The following ATP1B2 variants were observed in gnomAD, a reference collection of about 807,000 sequenced individuals.
ATP1B2 encodes ATPase Na+/K+ transporting subunit beta 2, also known as sodium/potassium-transporting ATPase subunit beta-2.
ATP1B2 carries 12 observed loss-of-function variants against 37.3 expected under a neutral mutation model. The observed-to-expected ratio is 0.32, with a 90% confidence interval of 0.21 to 0.52. ATP1B2 has a LOEUF of 0.52. Ranked by LOEUF, ATP1B2 falls within the 20% of genes least tolerant of loss-of-function variation. The probability of loss-of-function intolerance (pLI) is 0.96; values close to 1 mark genes in which losing one functional copy is unlikely to be tolerated. For synonymous variants in ATP1B2, 139 were observed against 140.5 expected (o/e 0.99, Z 0.07); for missense variants, 324 against 391.6 (o/e 0.83, Z 1.46).
In ATP1B2 at chr17:7,655,430, G is replaced by A; in HGVS notation, c.610-97G>A. On this transcript the variant is annotated intron_variant, in intron 5 of 6. Coordinates refer to ENST00000250111, the MANE Select transcript of ATP1B2 (RefSeq NM_001678.5). The surrounding 1 kb of genome is among the most constrained non-coding windows in gnomAD (Gnocchi z 4.4). The stretch of plus-strand genomic sequence containing the variant: ...CAGACTTGAGACAGGAATAATTGGG[G>A]CGAAGGAAGAACAAAAGAACAAATG... 1 of 1,210,610 alleles carries A rather than the reference G, an allele frequency of 8.3e-7. No individual in the cohort carries two copies. The highest frequency in any genetic ancestry group is 1.2e-6 in the Non-Finnish European group (1 of 832,700). 75.0% of individuals were successfully genotyped at this position (1,210,610 alleles called of 1,614,324 possible).
At chr17:7,649,680 G>A (rs1311947562), upstream of ATP1B2, among the ~76,000 whole-genome samples, 5 of 151,842 alleles carry the variant, frequency 3.3e-5, no homozygotes, top group African/African-American at 1.2e-4. Flanking sequence ...AGCCTCCCAA[G>A]TAGCTGGGAC....
rs1275899643 is a variant in ATP1B2 at position 7,656,229 on chromosome 17, A to C, written c.*334A>C. Reference sequence around the variant, plus strand: ...TGCATATCCCCTGAGAGTTATAGGAAGTGCCCACTGACCCACCCACCCACC... The same window carrying C: ...TGCATATCCCCTGAGAGTTATAGGACGTGCCCACTGACCCACCCACCCACC... On this transcript the variant is annotated 3_prime_UTR_variant, in exon 7 of 7. Coordinates refer to ENST00000250111, the MANE Select transcript of ATP1B2 (RefSeq NM_001678.5). 1 of 311,216 alleles carries C rather than the reference A, an allele frequency of 3.2e-6. No homozygotes were observed. Among genetic ancestry groups the C allele is most frequent in the Non-Finnish European group, 6.1e-6 (1 of 164,016 alleles). The allele number at this position is 311,216 out of a possible 1,614,324, so 19.3% of individuals were successfully genotyped here.
At chr17:7,653,573 A>G in intron 2 of ATP1B2, 71 bp downstream of exon 2, 1 of 1,578,258 alleles carries the variant, frequency 6.3e-7, no homozygotes, top group Non-Finnish European at 8.6e-7. Context: ...GAAGGAACTC[A>G]TAGTTCCTTC....
rs1301593084 is a variant in ATP1B2, at chr17:7,651,682, C to A, written c.112+52C>A. On this transcript the variant is annotated intron_variant, in intron 1 of 6. Coordinates refer to ENST00000250111, the MANE Select transcript of ATP1B2 (RefSeq NM_001678.5). ...GGGGGAAAGCCGCGGGGCGACGCCT[C>A]GGGGGCGCAGGGTCCCGCCGACGCG... is the stretch of plus-strand genomic sequence containing the variant. The A allele has an allele frequency of 2.0e-6, 3 of 1,497,312 alleles. No individual in the cohort carries two copies. The African/African-American group carries it at 4.3e-5, about 22-fold the overall frequency. The allele number at this position is 1,497,312 out of a possible 1,614,324, so 92.8% of individuals were successfully genotyped here.
Position 7,656,869 on chromosome 17 carries a change from G to C in ATP1B2, c.*974G>C, listed in dbSNP as rs944464254. On this transcript the variant is annotated 3_prime_UTR_variant, in exon 7 of 7. Transcript: ENST00000250111. Reference sequence around the variant, plus strand: ...TTTTTTTGCATTTTTTAGTAGAGATGGGGGTTTCTCCTTGTTGGTCAGGCT... The same window carrying C: ...TTTTTTTGCATTTTTTAGTAGAGATCGGGGTTTCTCCTTGTTGGTCAGGCT... 3 of 143,678 alleles carry C rather than the reference G, an allele frequency of 2.1e-5. No individual in the cohort carries two copies. The highest frequency in any genetic ancestry group is 4.5e-5 in the Non-Finnish European group (3 of 66,264). 8.9% of individuals were successfully genotyped at this position (143,678 alleles called of 1,614,324 possible). A position where few individuals can be genotyped will look rare whatever the true frequency, so the allele number is the denominator to read the frequency against.
upstream of ATP1B2, among the ~76,000 whole-genome samples, chr17:7,649,624 C>T (rs113158572): frequency 0.019 from 2,816 of 151,524 alleles, 91 homozygotes; most frequent in African/African-American, 0.064. Flanking sequence ...GCGATCTCGG[C>T]TCACTGCAAG....
upstream of ATP1B2, among the ~76,000 whole-genome samples, chr17:7,647,866 A>G (rs1356054414): frequency 1.3e-5 from 2 of 152,082 alleles, no homozygotes; most frequent in African/African-American, 4.8e-5. Context: ...AAAGAAAAAA[A>G]CACCATGAGA....
chr17:7,656,122 G>A lies in ATP1B2; in HGVS notation c.*227G>A. 5.0e-6 allele frequency: 3 copies of A among 604,284 alleles called. No homozygotes were observed. In the South Asian group the frequency reaches 6.1e-5, roughly 12 times the overall value. 37.4% of individuals were successfully genotyped at this position (604,284 alleles called of 1,614,324 possible). The stretch of plus-strand genomic sequence containing the variant: ...TCCCAACCTCAGATCAGTCAGACAG[G>A]GAGCTGGGCTAAGATGGCCACGGAG... On this transcript the variant is annotated 3_prime_UTR_variant, in exon 7 of 7. Coordinates refer to ENST00000250111, the MANE Select transcript of ATP1B2 (RefSeq NM_001678.5).
At chr17:7,652,343 G>A (rs1330022108) in intron 1 of ATP1B2, among the ~76,000 whole-genome samples, 2 of 152,028 alleles carry the variant, frequency 1.3e-5, no homozygotes, top group Admixed American at 1.3e-4. Flanking sequence ...AGTGGTCGGG[G>A]GTTGGGGGGG....
At chr17:7,648,412 T>A (rs1641517), upstream of ATP1B2, among the ~76,000 whole-genome samples, 20 of 151,220 alleles carry the variant, frequency 1.3e-4, no homozygotes, top group African/African-American at 3.9e-4. Flanking sequence ...ATCCCATCTC[T>A]ACAAAAAAAT....
chr17:7,648,565 T>C (rs1156363764), upstream of ATP1B2, among the ~76,000 whole-genome samples: 2 of 42,944 alleles, frequency 4.7e-5, no homozygotes, highest in African/African-American at 9.7e-5. Flanking sequence ...AGACTCTGTC[T>C]CCAAAAAAAA....
Position 7,655,419 on chromosome 17 carries a change from G to A in ATP1B2, c.610-108G>A. ...CTCCAGGGAGGCAGACTTGAGACAG[G>A]AATAATTGGGGCGAAGGAAGAACAA... On this transcript the variant is annotated intron_variant, in intron 5 of 6. Transcript: ENST00000250111. This position sits in a 1 kb window ranked among gnomAD's most constrained non-coding sequence, Gnocchi z 4.4. The A allele has an allele frequency of 3.7e-6, 4 of 1,080,640 alleles. No individual in the cohort carries two copies. The highest frequency in any genetic ancestry group is 5.5e-6 in the Non-Finnish European group (4 of 724,718). The allele number at this position is 1,080,640 out of a possible 1,614,324, so 66.9% of individuals were successfully genotyped here. A position where few individuals can be genotyped will look rare whatever the true frequency, so the allele number is the denominator to read the frequency against.
At chr17:7,653,152 C>T (rs1167270597) in intron 1 of ATP1B2, among the ~76,000 whole-genome samples, 1 of 152,142 alleles carries the variant, frequency 6.6e-6, no homozygotes, top group African/African-American at 2.4e-5. Context: ...CTTCACTGTG[C>T]CCTAGGACCA....
In ATP1B2 at chr17:7,655,684, G is replaced by A; in HGVS notation, c.709-47G>A. ...GTGCGGGTGGTGAGCTAGGGAAGGA[G>A]GCCGCGTTGCCCCAGGCCTAGACCC... On this transcript the variant is annotated intron_variant, in intron 6 of 6. Transcript: ENST00000250111. The surrounding 1 kb of genome is among the most constrained non-coding windows in gnomAD (Gnocchi z 4.4). 2 of 1,613,920 alleles carry A rather than the reference G, an allele frequency of 1.2e-6. No homozygotes were observed. The highest frequency in any genetic ancestry group is 4.5e-5 in the East Asian group (2 of 44,880).
intron 1 of ATP1B2, among the ~76,000 whole-genome samples, chr17:7,653,021 C>G (rs79624034): frequency 0.019 from 2,916 of 152,248 alleles, 101 homozygotes; most frequent in African/African-American, 0.066. Flanking sequence ...ACCATGCTAG[C>G]ACAGCTTTAA....
chr17:7,653,041 C>T (rs997832558), intron 1 of ATP1B2, among the ~76,000 whole-genome samples: 3 of 152,130 alleles, frequency 2.0e-5, no homozygotes, highest in Non-Finnish European at 2.9e-5. Flanking sequence ...AGCATGAGTA[C>T]GAATGCAGAG....
intron 1 of ATP1B2, among the ~76,000 whole-genome samples, chr17:7,652,094 G>A (rs934693812): frequency 6.6e-6 from 1 of 152,116 alleles, no homozygotes; most frequent in African/African-American, 2.4e-5. Flanking sequence ...GGTTCTTCAC[G>A]GCGGAAGTTG....
chr17:7,653,354 C>T lies in ATP1B2; in HGVS notation c.113-20C>T, dbSNP rs764310229. Reference sequence around the variant, plus strand: ...TGGTGGGAACCTTGGGCCCTGCTGACCCTGTTTCCTCCTCCCTAGCCTTTA... The same window carrying T: ...TGGTGGGAACCTTGGGCCCTGCTGATCCTGTTTCCTCCTCCCTAGCCTTTA... On this transcript the variant is annotated intron_variant, in intron 1 of 6. Transcript: ENST00000250111. 3.1e-6 allele frequency: 5 copies of T among 1,613,776 alleles called. No individual in the cohort carries two copies. In the Middle Eastern group the frequency reaches 5.0e-4, roughly 160 times the overall value.
chr17:7,655,861 G>T lies in ATP1B2; in HGVS notation c.839G>T (p.Arg280Leu). 1 of 1,614,110 alleles carries T rather than the reference G, an allele frequency of 6.2e-7. No homozygotes were observed. Among genetic ancestry groups the T allele is most frequent in the Non-Finnish European group, 8.5e-7 (1 of 1,180,028 alleles). Residue 280 changes from arginine to leucine, a missense_variant, in exon 7 of 7, where the codon CGC becomes CTC. Transcript: ENST00000250111. This position sits in a 1 kb window ranked among gnomAD's most constrained non-coding sequence, Gnocchi z 4.4. ...TDDERDKFAG[R>L]VAFKLRINKT The stretch of plus-strand genomic sequence containing the variant: ...GATGAGCGAGACAAGTTCGCCGGCC[G>T]CGTGGCCTTCAAACTCCGCATCAAC...
Sources: gnomAD v4.1 joint callset for allele counts (sites outside exome capture counted in the v4.1 genomes callset) on GRCh38, gnomAD v4.1.1 for gene constraint, Gnocchi (gnomAD v3.1) non-coding constraint, MANE v1.5 for transcripts, NCBI Gene and HGNC (gene_info 2026-07-23, HGNC 2026-07-21) for gene names.